Variants in HPSE2 observed in about 807,000 individuals in gnomAD.
HPSE2 encodes inactive heparanase-2.
In HPSE2, 38 loss-of-function variants were observed where a neutral mutation model predicts 60.5. That is an observed-to-expected ratio of 0.63 (90% confidence interval 0.48 to 0.82). HPSE2 has a LOEUF of 0.82. Ranked by LOEUF, HPSE2 falls within the 40% of genes least tolerant of loss-of-function variation. The pLI is 0.00. For synonymous variants in HPSE2, 295 were observed against 293.2 expected (o/e 1.01, Z -0.06); for missense variants, 713 against 740.4 (o/e 0.96, Z 0.43).
chr10:99,124,501 G>C (rs971772586), intron 3 of HPSE2, among the ~76,000 whole-genome samples: 3 of 152,184 alleles, frequency 2.0e-5, no homozygotes, highest in African/African-American at 7.2e-5. Context: ...GCAGGCCTGT[G>C]CTGAGCCACC....
chr10:98,599,276 T>C (rs2133937200), intron 9 of HPSE2, among the ~76,000 whole-genome samples: 1 of 152,202 alleles, frequency 6.6e-6, no homozygotes, highest in South Asian at 2.1e-4. Flanking sequence ...TGGCTGGTGC[T>C]AGACGGGTCT....
chr10:99,058,952 T>C (rs182592704), intron 3 of HPSE2, among the ~76,000 whole-genome samples: 92 of 152,322 alleles, frequency 6.0e-4, no homozygotes, highest in Non-Finnish European at 2.1e-4. Context: ...GTTACAACTA[T>C]TCAACTTTGC....
intron 3 of HPSE2, among the ~76,000 whole-genome samples, chr10:98,769,773 T>C (rs1364302962): frequency 6.6e-6 from 1 of 152,170 alleles, no homozygotes; most frequent in Non-Finnish European, 1.5e-5. Flanking sequence ...AGCTGAGACA[T>C]GGTCCTTGCT....
At chr10:99,204,772 C>T (rs974057072) in intron 2 of HPSE2, among the ~76,000 whole-genome samples, 3 of 152,066 alleles carry the variant, frequency 2.0e-5, no homozygotes, top group Non-Finnish European at 4.4e-5. Context: ...TGCAGATAAA[C>T]TGCATAGCAC....
At chr10:99,201,237 C>T (rs1053507759) in intron 2 of HPSE2, among the ~76,000 whole-genome samples, 5 of 152,020 alleles carry the variant, frequency 3.3e-5, no homozygotes, top group African/African-American at 1.2e-4. Flanking sequence ...AAATCAATTA[C>T]CATATCCTGT....
At chr10:98,799,570 G>T (rs1171726540) in intron 3 of HPSE2, among the ~76,000 whole-genome samples, 1 of 152,006 alleles carries the variant, frequency 6.6e-6, no homozygotes, top group East Asian at 1.9e-4. Context: ...TCAAAAAACT[G>T]AAATAATATA....
intron 2 of HPSE2, among the ~76,000 whole-genome samples, chr10:99,159,759 T>A (rs1846746045): frequency 6.6e-6 from 1 of 152,176 alleles, no homozygotes; most frequent in Admixed American, 6.5e-5. Flanking sequence ...AGTACAGATT[T>A]CTTAGTTATG....
chr10:98,689,474 T>G (rs1948017292), intron 6 of HPSE2, among the ~76,000 whole-genome samples: 1 of 152,194 alleles, frequency 6.6e-6, no homozygotes, highest in Non-Finnish European at 1.5e-5. Context: ...CTGATATTTC[T>G]CCAGGCTAAT....
intron 3 of HPSE2, among the ~76,000 whole-genome samples, chr10:98,769,584 G>C (rs1451115306): frequency 1.3e-5 from 2 of 152,150 alleles, no homozygotes; most frequent in African/African-American, 2.4e-5. Flanking sequence ...GGGTGTGGGT[G>C]CTAAATAATC....
intron 3 of HPSE2, among the ~76,000 whole-genome samples, chr10:99,096,794 G>A (rs1843732968): frequency 6.6e-6 from 1 of 152,034 alleles, no homozygotes; most frequent in Non-Finnish European, 1.5e-5. Context: ...GAAGGTAACT[G>A]TTCTTACAGC....
intron 11 of HPSE2, among the ~76,000 whole-genome samples, chr10:98,480,367 A>G (rs1476071388): frequency 6.6e-6 from 1 of 152,104 alleles, no homozygotes; most frequent in Non-Finnish European, 1.5e-5. Context: ...TACAGATGTG[A>G]GCCACTGTGC....
intron 3 of HPSE2, among the ~76,000 whole-genome samples, chr10:98,844,590 T>A (rs1450205909): frequency 2.6e-5 from 4 of 152,150 alleles, no homozygotes; most frequent in African/African-American, 9.7e-5. Context: ...GTAGTAATCA[T>A]AAATTTGACA....
intron 2 of HPSE2, among the ~76,000 whole-genome samples, chr10:99,227,631 T>C (rs1046463671): frequency 2.0e-5 from 3 of 151,870 alleles, no homozygotes; most frequent in Admixed American, 2.0e-4. Context: ...ATTTCTCCAC[T>C]GGTCACCTCC....
At chr10:98,809,136 T>C (rs887835404) in intron 3 of HPSE2, among the ~76,000 whole-genome samples, 1 of 152,126 alleles carries the variant, frequency 6.6e-6, no homozygotes, top group Non-Finnish European at 1.5e-5. Context: ...ATAATAAATA[T>C]ACAAAGGTTC....
At chr10:99,166,999 CTTTT>C (rs1411175430) in intron 2 of HPSE2, among the ~76,000 whole-genome samples, 1 of 140,516 alleles carries the variant, frequency 7.1e-6, no homozygotes, top group Non-Finnish European at 1.5e-5. Context: ...TTTTTCTTTC[CTTTT>C]TGTTTGTTTG....
chr10:98,731,816 G>A (rs1048851136), intron 4 of HPSE2, among the ~76,000 whole-genome samples: 4 of 151,918 alleles, frequency 2.6e-5, no homozygotes, highest in African/African-American at 9.7e-5. Context: ...CATCCAAATT[G>A]GAAAGAAAGA....
intron 2 of HPSE2, among the ~76,000 whole-genome samples, chr10:99,227,166 TAGAGA>T (rs1849499756): frequency 6.6e-6 from 1 of 152,062 alleles, no homozygotes; most frequent in African/African-American, 2.4e-5. Context: ...AAAAGCTTCC[TAGAGA>T]AAAGAGAATA....
intron 3 of HPSE2, among the ~76,000 whole-genome samples, chr10:98,789,973 GT>G (rs1950620903): frequency 6.6e-6 from 1 of 152,014 alleles, no homozygotes; most frequent in African/African-American, 2.4e-5. Flanking sequence ...AGTGTCCTGT[GT>G]TTATTTGTCA....
intron 2 of HPSE2, among the ~76,000 whole-genome samples, chr10:99,183,024 G>A (rs1026939729): frequency 6.6e-6 from 1 of 151,974 alleles, no homozygotes; most frequent in Non-Finnish European, 1.5e-5. Context: ...TCAGATATAG[G>A]TAAACAGAAA....
Sources: allele counts gnomAD v4.1 joint callset (sites outside exome capture counted in the v4.1 genomes callset), GRCh38; gene constraint gnomAD v4.1.1; transcripts MANE v1.5; gene names NCBI Gene and HGNC (gene_info 2026-07-23, HGNC 2026-07-21).